The following PACC1 variants were observed in gnomAD, a reference collection of about 807,000 sequenced individuals.
PACC1 encodes the protein proton activated chloride channel 1, also known as proton-activated chloride channel.
Under a neutral mutation model 39.7 loss-of-function variants are expected in PACC1, and 34 were observed. The observed-to-expected ratio is 0.86, with a 90% CI of 0.65 to 1.14. The LOEUF is 1.14. PACC1 is among the 50% of genes most tolerant of loss of function. The pLI, the probability that PACC1 is intolerant of heterozygous loss-of-function variation, is 0.00. For missense variants in PACC1, 379 were observed against 436.4 expected (o/e 0.87, Z 1.17); for synonymous variants, 127 against 160.6 (o/e 0.79, Z 1.58).
intron 1 of PACC1, among the ~76,000 whole-genome samples, chr1:212,411,461 A>T (rs1484116334): frequency 6.6e-6 from 1 of 152,142 alleles, no homozygotes; most frequent in Non-Finnish European, 1.5e-5. Flanking sequence ...CCTCAACCTC[A>T]CTTCACCAGT....
intron 2 of PACC1, among the ~76,000 whole-genome samples, chr1:212,408,446 C>T (rs893045351): frequency 1.3e-5 from 2 of 151,820 alleles, no homozygotes; most frequent in South Asian, 2.1e-4. Flanking sequence ...CTGTAACCTC[C>T]GCCTCCTGGG....
chr1:212,403,082 T>C (rs913985194), intron 2 of PACC1, among the ~76,000 whole-genome samples: 1 of 152,208 alleles, frequency 6.6e-6, no homozygotes, highest in Non-Finnish European at 1.5e-5. Context: ...TTTGATTACA[T>C]CTCTGATGTA....
At chr1:212,379,752 G>GGGGAAGAGGGGAA in intron 5 of PACC1, 143 bp downstream of exon 5, 1 of 977,822 alleles carries the variant, frequency 1.0e-6, no homozygotes, top group South Asian at 1.6e-5. Flanking sequence ...AAGCTCATGA[G>GGGGAAGAGGGGAA]GTCCCTTCCT....
chr1:212,409,873 A>G (rs754559541), intron 2 of PACC1, among the ~76,000 whole-genome samples: 1 of 152,214 alleles, frequency 6.6e-6, no homozygotes, highest in Admixed American at 6.5e-5. Flanking sequence ...TTCATGCCCA[A>G]GAGCTGGAGA....
chr1:212,385,200 A>C (rs769863983), intron 4 of PACC1, 74 bp downstream of exon 4: 1 of 1,574,394 alleles, frequency 6.4e-7, no homozygotes. Flanking sequence ...CCTAGGAAAA[A>C]GGAAACTTGG....
chr1:212,379,615 A>C (rs1660801175), intron 5 of PACC1, among the ~76,000 whole-genome samples: 1 of 152,224 alleles, frequency 6.6e-6, no homozygotes, highest in South Asian at 2.1e-4. Flanking sequence ...ACTCCTCAGC[A>C]GCCCCAGGCA....
At chr1:212,371,291 C>T (rs1316079309) in intron 7 of PACC1, among the ~76,000 whole-genome samples, 1 of 124,760 alleles carries the variant, frequency 8.0e-6, no homozygotes, top group Non-Finnish European at 1.8e-5. Context: ...AAAAGTTAAA[C>T]AAAATCTAAG....
In PACC1 at chr1:212,365,256, ATC is replaced by A. The variant is rs1167448730; in HGVS notation, c.1010_1011del (p.Arg337IlefsTer3). On this transcript the variant is annotated frameshift_variant, in exon 8 of 8. Coordinates refer to ENST00000261455, the MANE Select transcript of PACC1 (RefSeq NM_018252.3). LOFTEE classifies it high-confidence loss of function. ...GTTGCCTGACCTCTTCTTTTAAGGT[ATC>A]TCTTTCTAATTTTGATCATCCATTT... ...SIKWMIKIRK[R>X]YLKRRGQATS... 6 of 1,613,634 alleles carry A rather than the reference ATC, an allele frequency of 3.7e-6. No individual in the cohort carries two copies. Among genetic ancestry groups the A allele is most frequent in the Admixed American group, 1.7e-5 (1 of 59,950 alleles).
At chr1:212,393,293 C>T (rs1282340757) in intron 2 of PACC1, among the ~76,000 whole-genome samples, 3 of 152,150 alleles carry the variant, frequency 2.0e-5, no homozygotes, top group Non-Finnish European at 2.9e-5. Context: ...CACTCAAAAC[C>T]CCTCAACTAC....
chr1:212,369,385 A>G (rs560206318), intron 7 of PACC1, among the ~76,000 whole-genome samples: 12 of 152,380 alleles, frequency 7.9e-5, no homozygotes, highest in African/African-American at 2.9e-4. Flanking sequence ...ATGTAAATGG[A>G]CCAAATTCTT....
rs760583948 is a variant in PACC1 at position 212,387,030 on chromosome 1, G to C, written c.204C>G (p.Val68=). 3.7e-6 allele frequency: 6 copies of C among 1,614,110 alleles called. No individual in the cohort carries two copies. Among genetic ancestry groups the C allele is most frequent in the Non-Finnish European group, 5.1e-6 (6 of 1,180,058 alleles). The change falls in exon 3 of 8, where the codon GTC becomes GTG. Residue 68 remains valine, a synonymous_variant. Coordinates refer to ENST00000261455, the MANE Select transcript of PACC1 (RefSeq NM_018252.3). ...SKACLKNVFS[V]LLIFIYLLLM... is the part of the protein sequence containing the mutation. ...GCAGCAGGTAGATGAAGATGAGTAG[G>C]ACCGAGAAGACGTTCTTCAGGCAGG...
chr1:212,414,835 C>T lies in PACC1; in HGVS notation c.-78G>A. On this transcript the variant is annotated 5_prime_UTR_variant, in exon 1 of 8. Coordinates refer to ENST00000261455, the MANE Select transcript of PACC1 (RefSeq NM_018252.3). Reference sequence around the variant, plus strand: ...GGACGCAGCACTGCGGCCGCTGCACCTGGACCTACCGGCTCCGCGAGGCGA... The same window carrying T: ...GGACGCAGCACTGCGGCCGCTGCACTTGGACCTACCGGCTCCGCGAGGCGA... 3 of 1,575,078 alleles carry T rather than the reference C, an allele frequency of 1.9e-6. No homozygotes were observed. Among genetic ancestry groups the T allele is most frequent in the Non-Finnish European group, 2.6e-6 (3 of 1,149,898 alleles).
At chr1:212,368,405 T>A (rs1245595288) in intron 7 of PACC1, among the ~76,000 whole-genome samples, 1 of 151,948 alleles carries the variant, frequency 6.6e-6, no homozygotes, top group Non-Finnish European at 1.5e-5. Flanking sequence ...CAGTGACCAA[T>A]CCGGGAGAGA....
chr1:212,390,955 G>C (rs1286764672), intron 2 of PACC1, among the ~76,000 whole-genome samples: 4 of 152,160 alleles, frequency 2.6e-5, no homozygotes, highest in Non-Finnish European at 4.4e-5. Flanking sequence ...AGCTCGAACT[G>C]GGTGGAGCCC....
At chr1:212,399,025 C>T (rs1212975242) in intron 2 of PACC1, among the ~76,000 whole-genome samples, 1 of 152,332 alleles carries the variant, frequency 6.6e-6, no homozygotes, top group Admixed American at 6.5e-5. Context: ...AAGGTACAAC[C>T]AACTCCCATG....
chr1:212,399,227 T>C (rs950632064), intron 2 of PACC1, among the ~76,000 whole-genome samples: 10 of 152,220 alleles, frequency 6.6e-5, no homozygotes, highest in Non-Finnish European at 1.5e-4. Context: ...AATCTAATTT[T>C]TAAGAGTTGA....
chr1:212,377,485 C>T lies in PACC1; in HGVS notation c.783+77G>A. On this transcript the variant is annotated intron_variant, in intron 6 of 7. Coordinates refer to ENST00000261455, the MANE Select transcript of PACC1 (RefSeq NM_018252.3). The stretch of plus-strand genomic sequence containing the variant: ...AAGGCCCTGCTCAAAGGAGCCTTCT[C>T]TGCAAAGCTTCCCTCCACCTCAGAC... 3 of 1,587,202 alleles carry T rather than the reference C, an allele frequency of 1.9e-6. 1 individual carries two copies. In the South Asian group the frequency reaches 3.5e-5, roughly 18 times the overall value.
intron 6 of PACC1, among the ~76,000 whole-genome samples, chr1:212,377,229 G>C (rs968940323): frequency 1.3e-5 from 2 of 152,158 alleles, no homozygotes; most frequent in Non-Finnish European, 2.9e-5. Context: ...TAATCAATCT[G>C]CTAGGCCACT....
At chr1:212,373,218 T>A (rs1350322417) in intron 7 of PACC1, among the ~76,000 whole-genome samples, 2 of 152,158 alleles carry the variant, frequency 1.3e-5, no homozygotes, top group Non-Finnish European at 1.5e-5. Context: ...TGCAACGAAC[T>A]CATTTTTGAC....
Sources: allele counts gnomAD v4.1 joint callset (sites outside exome capture counted in the v4.1 genomes callset), GRCh38; gene constraint gnomAD v4.1.1; transcripts MANE v1.5; gene names NCBI Gene and HGNC (gene_info 2026-07-23, HGNC 2026-07-21).